FAAH2: variants seen among roughly 807,000 people sequenced by gnomAD.
FAAH2 encodes the protein fatty acid amide hydrolase 2.
Under a neutral mutation model 36.9 loss-of-function variants are expected in FAAH2, and 60 were observed. The ratio of observed to expected loss-of-function variants is 1.63; its 90% confidence interval spans 1.32 to 2.02. The LOEUF (loss-of-function observed/expected upper bound fraction) is 2.02, where lower values mean the gene tolerates loss of function less well. Ranked by LOEUF, FAAH2 falls within the 30% of genes most tolerant of loss-of-function variation. FAAH2 has a pLI of 0.00. For missense variants in FAAH2, 689 were observed against 397.5 expected (o/e 1.73, Z -6.23); for synonymous variants, 214 against 143.8 (o/e 1.49, Z -3.49).
At chrX:57,140,417 C>CAAAAAAA in the FAAH2 span, among the ~76,000 whole-genome samples, 1 of 64,799 alleles carries the variant, frequency 1.5e-5, no homozygotes. Context: ...CCATCTCTAC[C>CAAAAAAA]AAAAAAAAAA....
At chrX:57,185,474 GTC>G in the FAAH2 span, among the ~76,000 whole-genome samples, 2 of 97,773 alleles carry the variant, frequency 2.0e-5, no homozygotes, top group African/African-American at 4.1e-5. Context: ...TTTTTTCTCT[GTC>G]TCTCTCTGTC....
chrX:57,272,822 C>G, the FAAH2 span, among the ~76,000 whole-genome samples: 4 of 112,198 alleles, frequency 3.6e-5, no homozygotes, highest in South Asian at 1.5e-3. Flanking sequence ...TAAAGAACAT[C>G]AACACTATGA....
At chrX:57,216,598 G>GTATATATATACGTATATATACGTATA in the FAAH2 span, among the ~76,000 whole-genome samples, 1 of 4,693 alleles carries the variant, frequency 2.1e-4, no homozygotes, top group African/African-American at 4.1e-4. Context: ...GTATATATAT[G>GTATATATATACGTATATATACGTATA]TATATATATA....
intron 7 of FAAH2, among the ~76,000 whole-genome samples, chrX:57,399,186 G>A (rs896485317): frequency 1.8e-5 from 2 of 111,557 alleles, no homozygotes; most frequent in African/African-American, 6.5e-5. Context: ...GGATTGAAAT[G>A]TGTGTCCTGG....
chrX:57,411,125 C>T (rs996443438), intron 7 of FAAH2, among the ~76,000 whole-genome samples: 2 of 111,730 alleles, frequency 1.8e-5, no homozygotes, highest in East Asian at 2.8e-4. Flanking sequence ...TTCTGGGAGG[C>T]GTTCAGACCT....
chrX:57,394,618 C>T, intron 7 of FAAH2: 1 of 1,112,823 alleles, frequency 9.0e-7, no homozygotes, highest in Non-Finnish European at 1.2e-6. Flanking sequence ...CCGTCATGAG[C>T]CCTAAGCCAC....
At chrX:57,206,702 G>A in the FAAH2 span, among the ~76,000 whole-genome samples, 5 of 112,077 alleles carry the variant, frequency 4.5e-5, no homozygotes, top group Non-Finnish European at 7.5e-5. Flanking sequence ...GGATAGTAAA[G>A]AAACAGTCTT....
chrX:57,331,887 G>T, intron 4 of FAAH2, 80 bp downstream of exon 4: 1 of 970,043 alleles, frequency 1.0e-6, no homozygotes, highest in Non-Finnish European at 1.4e-6. Context: ...ACATGATACA[G>T]TATAGCATCT....
At chrX:57,187,820 T>C in the FAAH2 span, among the ~76,000 whole-genome samples, 37,177 of 110,405 alleles carry the variant, frequency 0.34, 5,202 homozygotes, top group Middle Eastern at 0.61. Flanking sequence ...TCTATTGAGA[T>C]AATGTGGTTT....
chrX:57,441,778 A>G (rs927572523), intron 8 of FAAH2, among the ~76,000 whole-genome samples: 3 of 111,223 alleles, frequency 2.7e-5, no homozygotes, highest in African/African-American at 9.8e-5. Flanking sequence ...ACACTGCTTT[A>G]AATGTGTCCC....
chrX:57,266,883 AG>A, the FAAH2 span, among the ~76,000 whole-genome samples: 1 of 112,412 alleles, frequency 8.9e-6, no homozygotes, highest in Non-Finnish European at 1.9e-5. Flanking sequence ...TCATTCCTCT[AG>A]GCTCAACTTG....
In FAAH2 at chrX:57,488,814, A is replaced by T; in HGVS notation, c.1481A>T (p.Lys494Ile). The part of the protein sequence containing the change: ...VTQCPLGLNA[K>I]GLPLGIQVVA... ...CAATGCCCACTGGGACTGAATGCCA[A>T]AGGACTCCCTTTAGGCATCCAGGTT... Residue 494 changes from lysine (K) to isoleucine (I), a missense_variant, in exon 11 of 11, where the codon AAA (lysine) becomes ATA (isoleucine). Lys to Ile is a moderately radical substitution (Grantham distance 102, BLOSUM62 -3). Coordinates refer to ENST00000374900, the MANE Select transcript of FAAH2 (RefSeq NM_174912.4). 1 of 1,211,425 alleles carries T rather than the reference A, an allele frequency of 8.3e-7. No individual in the cohort carries two copies. The highest frequency in any genetic ancestry group is 1.8e-5 in the South Asian group (1 of 56,960).
chrX:57,436,384 G>A (rs1268562445), intron 8 of FAAH2, among the ~76,000 whole-genome samples: 2 of 109,658 alleles, frequency 1.8e-5, no homozygotes, highest in African/African-American at 6.6e-5. Context: ...GTAGAACTAA[G>A]TAAAATAGAG....
chrX:57,395,075 A>G, intron 7 of FAAH2: 1 of 550,534 alleles, frequency 1.8e-6, no homozygotes, highest in Non-Finnish European at 3.4e-6. Context: ...AATAGCATTG[A>G]TCACTCCTTC....
chrX:57,124,820 T>C, the FAAH2 span, among the ~76,000 whole-genome samples: 1 of 112,156 alleles, frequency 8.9e-6, no homozygotes. Flanking sequence ...GTTATTGATG[T>C]ATAAGAATGC....
At chrX:57,122,833 C>T in the FAAH2 span, among the ~76,000 whole-genome samples, 4 of 111,207 alleles carry the variant, frequency 3.6e-5, no homozygotes, top group African/African-American at 1.3e-4. Flanking sequence ...ATAATAATCT[C>T]GATTCAACAG....
chrX:57,144,188 A>C, the FAAH2 span, among the ~76,000 whole-genome samples: 1 of 111,627 alleles, frequency 9.0e-6, no homozygotes, highest in Non-Finnish European at 1.9e-5. Flanking sequence ...CAGATGTGTC[A>C]GAGGTCCTTT....
At chrX:57,274,296 C>T in the FAAH2 span, among the ~76,000 whole-genome samples, 2 of 111,706 alleles carry the variant, frequency 1.8e-5, no homozygotes, top group Non-Finnish European at 3.8e-5. Flanking sequence ...AAGTCCAGGA[C>T]CAGACAGATT....
At chrX:57,259,674 C>G in the FAAH2 span, among the ~76,000 whole-genome samples, 3 of 111,791 alleles carry the variant, frequency 2.7e-5, no homozygotes, top group Non-Finnish European at 5.6e-5. Flanking sequence ...CAGAGTAAAT[C>G]TTAAGTTATC....
Sources: gnomAD v4.1 joint callset for allele counts (sites outside exome capture counted in the v4.1 genomes callset) on GRCh38, gnomAD v4.1.1 for gene constraint, MANE v1.5 for transcripts, NCBI Gene and HGNC (gene_info 2026-07-23, HGNC 2026-07-21) for gene names.